PABPC1L: variants seen among roughly 807,000 people sequenced by gnomAD.
The protein encoded by PABPC1L is poly(A) binding protein cytoplasmic 1 like.
In PABPC1L, 31 loss-of-function variants were observed where a neutral mutation model predicts 66.6. The ratio of observed to expected loss-of-function variants is 0.47; its 90% CI spans 0.35 to 0.63. The LOEUF (loss-of-function observed/expected upper bound fraction) is 0.63, where lower values mean the gene tolerates loss of function less well. Among genes scored for constraint, PABPC1L ranks in the 20% least tolerant of loss-of-function variants. The pLI, the probability that PABPC1L is intolerant of heterozygous loss-of-function variation, is 0.00. For missense variants in PABPC1L, 722 were observed against 848.8 expected, an observed-to-expected ratio of 0.85 and a Z score of 1.86; for synonymous variants, 348 against 335.1, an observed-to-expected ratio of 1.04 and a Z score of -0.42.
At position 44,910,203 on chromosome 20, in the gene PABPC1L, C is replaced by T. The variant is rs778614282; in HGVS notation, c.60C>T (p.Pro20=). ...CGCTTTACGTGGGCGATCTGCACCC[C>T]GACGTGACCGAGGCCATGCTCTATG... The part of the protein sequence containing the change: ...LASLYVGDLH[P]DVTEAMLYEK... Residue 20 remains proline (P), a synonymous_variant, in exon 1 of 15, where the codon CCC becomes CCT. Coordinates refer to ENST00000217073, the MANE Select transcript of PABPC1L (RefSeq NM_001372179.1). 1 of 1,580,434 alleles carries T rather than the reference C, an allele frequency of 6.3e-7. No homozygotes were observed.
Position 44,930,512 on chromosome 20 carries a change from C to T in PABPC1L, c.1025C>T (p.Ser342Phe). ...SKGFGFVCFSSPEEATKAVTE... is the reference protein window; with the variant it reads ...SKGFGFVCFSFPEEATKAVTE... ...GGGTTTGGCTTTGTGTGTTTTTCCT[C>T]CCCAGAAGAGGCGACAAAGGCCGTG... The change falls in exon 8 of 15, where the codon TCC becomes TTC. Residue 342 changes from serine to phenylalanine, a missense_variant. Physicochemically the swap from Ser to Phe is radical, Grantham distance 155. This residue lies in a region of PABPC1L where 137 missense variants were observed against 216.8 expected (regional missense o/e 0.63). Transcript: ENST00000217073. 1 of 1,614,244 alleles carries T rather than the reference C, an allele frequency of 6.2e-7. No individual in the cohort carries two copies.
intron 3 of PABPC1L, among the ~76,000 whole-genome samples, chr20:44,917,682 A>G (rs1406553927): frequency 1.3e-5 from 2 of 152,054 alleles, no homozygotes; most frequent in African/African-American, 4.8e-5. Flanking sequence ...CAGAATTTTG[A>G]TTTTGTTCAT....
intron 7 of PABPC1L, among the ~76,000 whole-genome samples, chr20:44,928,673 C>T (rs904237102): frequency 6.6e-6 from 1 of 151,648 alleles, no homozygotes; most frequent in Admixed American, 6.6e-5. Flanking sequence ...TCAAGCCCAG[C>T]CGGGGCAACA....
Position 44,910,332 on chromosome 20 carries a change from G to T in PABPC1L, c.189G>T (p.Ala63=). 6.6e-7 allele frequency: 1 copy of T among 1,508,104 alleles called. No homozygotes were observed. The allele number at this position is 1,508,104 out of a possible 1,614,324, so 93.4% of individuals were successfully genotyped here. A position where few individuals can be genotyped will look rare whatever the true frequency, so the allele number is the denominator to read the frequency against. The change falls in exon 1 of 15, where the codon GCG becomes GCT. Residue 63 remains alanine, a synonymous_variant. Transcript: ENST00000217073. ...CCTACATCAACTTCCAGCAGCCCGCGGACGGTGAGCCCCGGGGATGGGGCG... is the reference window on the plus strand; with the variant it reads ...CCTACATCAACTTCCAGCAGCCCGCTGACGGTGAGCCCCGGGGATGGGGCG... ...GYAYINFQQP[A]DAERALDTMN...
intron 11 of PABPC1L, among the ~76,000 whole-genome samples, chr20:44,935,880 C>T (rs1490728898): frequency 1.3e-5 from 2 of 152,156 alleles, no homozygotes; most frequent in Non-Finnish European, 1.5e-5. Context: ...GCCTAAAATT[C>T]AGCATTATCA....
At position 44,910,206 on chromosome 20, in the gene PABPC1L, C is replaced by T; in HGVS notation, c.63C>T (p.Asp21=). Residue 21 remains aspartate, a synonymous_variant, in exon 1 of 15, where the codon GAC becomes GAT. Transcript: ENST00000217073. ...ASLYVGDLHP[D]VTEAMLYEKF... ...TTTACGTGGGCGATCTGCACCCCGA[C>T]GTGACCGAGGCCATGCTCTATGAGA... 1 of 1,580,492 alleles carries T rather than the reference C, an allele frequency of 6.3e-7. No individual in the cohort carries two copies.
At chr20:44,938,906 T>A (rs1317454847) in intron 14 of PABPC1L, among the ~76,000 whole-genome samples, 158 bp downstream of exon 14, 1 of 152,184 alleles carries the variant, frequency 6.6e-6, no homozygotes, top group Non-Finnish European at 1.5e-5. Context: ...GAGGAGATGA[T>A]TAACTGTGAT....
In PABPC1L at chr20:44,920,667, C is replaced by T. The variant is rs1457849084; in HGVS notation, c.739-927C>T. ...TGTTTTTAGTAGAGAAGGGGTTTCA[C>T]CATGTTGGCCAGGCTGGTATCGAAC... On this transcript the variant is annotated intron_variant, in intron 5 of 14. Transcript: ENST00000217073. 3.3e-5 allele frequency among the ~76,000 whole-genome samples: 5 copies of T among 150,974 alleles called. No homozygotes were observed. In the East Asian group the frequency reaches 9.8e-4, roughly 29 times the overall value.
In PABPC1L at chr20:44,939,261, T is replaced by C. The variant is rs1356134936; in HGVS notation, c.*142T>C. 4 of 716,634 alleles carry C rather than the reference T, an allele frequency of 5.6e-6. No homozygotes were observed. The Admixed American group carries it at 8.0e-5, about 14-fold the overall frequency. 44.4% of individuals were successfully genotyped at this position (716,634 alleles called of 1,614,324 possible). A position where few individuals can be genotyped will look rare whatever the true frequency, so the allele number is the denominator to read the frequency against. On this transcript the variant is annotated 3_prime_UTR_variant, in exon 15 of 15. Coordinates refer to ENST00000217073, the MANE Select transcript of PABPC1L (RefSeq NM_001372179.1). ...GGCTCTGTATGTGAATGAAGGTTGG[T>C]CACCCATCCAGCCTATTACCTTTTG...
At chr20:44,925,065 T>C (rs1326509135) in intron 7 of PABPC1L, among the ~76,000 whole-genome samples, 1 of 146,032 alleles carries the variant, frequency 6.8e-6, no homozygotes, top group Non-Finnish European at 1.5e-5. Flanking sequence ...TACAAAAAAT[T>C]AGCCGGGCAT....
chr20:44,919,067 C>T (rs780098998), intron 4 of PABPC1L, 22 bp downstream of exon 4: 26 of 1,610,102 alleles, frequency 1.6e-5, no homozygotes, highest in East Asian at 1.6e-4. Context: ...CCCAAGGGAG[C>T]GGGGGGATCA....
intron 7 of PABPC1L, among the ~76,000 whole-genome samples, chr20:44,927,562 T>G (rs2066818680): frequency 6.6e-6 from 1 of 152,132 alleles, no homozygotes; most frequent in South Asian, 2.1e-4. Flanking sequence ...TTGGCCAGGC[T>G]GGTCTCGAAC....
intron 10 of PABPC1L, among the ~76,000 whole-genome samples, chr20:44,934,905 T>G (rs1465754987): frequency 6.6e-6 from 1 of 152,094 alleles, no homozygotes; most frequent in Non-Finnish European, 1.5e-5. Flanking sequence ...CTGTCTCTAC[T>G]AAAAATACAA....
intron 7 of PABPC1L, among the ~76,000 whole-genome samples, chr20:44,927,067 A>G (rs1274721741): frequency 1.3e-5 from 2 of 151,440 alleles, no homozygotes; most frequent in African/African-American, 4.9e-5. Context: ...TTTTTTTGGT[A>G]GAAATTGGGA....
chr20:44,922,104 A>G (rs2066778349), intron 6 of PABPC1L, among the ~76,000 whole-genome samples: 1 of 152,222 alleles, frequency 6.6e-6, no homozygotes, highest in Non-Finnish European at 1.5e-5. Context: ...CTGGCTGAGA[A>G]TAATCAGGCC....
In PABPC1L at chr20:44,916,809, C is replaced by T; in HGVS notation, c.441C>T (p.Thr147=). ...GTTTCGGCTTTGTCCATTTTGAGAC[C>T]CATGAGGCCGCACAGCAGGCCATCA... ...SRGFGFVHFE[T]HEAAQQAINT... Residue 147 remains threonine (T), a synonymous_variant, in exon 3 of 15, where the codon ACC becomes ACT. Transcript: ENST00000217073. The T allele has an allele frequency of 6.2e-7, 1 of 1,614,184 alleles. No individual in the cohort carries two copies. Among genetic ancestry groups the T allele is most frequent in the Non-Finnish European group, 8.5e-7 (1 of 1,180,036 alleles).
At chr20:44,933,582 ATT>A (rs2066878671) in intron 10 of PABPC1L, among the ~76,000 whole-genome samples, 1 of 150,542 alleles carries the variant, frequency 6.6e-6, no homozygotes, top group Non-Finnish European at 1.5e-5. Flanking sequence ...AGTAGCTGGG[ATT>A]GTAGGCATGC....
intron 8 of PABPC1L, 140 bp from the exon 9 acceptor site, chr20:44,932,202 T>C (rs2066864996): frequency 5.9e-6 from 3 of 508,744 alleles, no homozygotes; most frequent in Non-Finnish European, 1.0e-5. Flanking sequence ...GAAGGAGCTT[T>C]CATTACAGCC....
At chr20:44,927,114 G>A (rs760275363) in intron 7 of PABPC1L, among the ~76,000 whole-genome samples, 1 of 151,800 alleles carries the variant, frequency 6.6e-6, no homozygotes, top group African/African-American at 2.4e-5. Context: ...TTGAACTCCT[G>A]GGCTCAAGCA....
Sources: allele counts gnomAD v4.1 joint callset (sites outside exome capture counted in the v4.1 genomes callset), GRCh38; gene constraint gnomAD v4.1.1; regional missense constraint gnomAD v4.1.1; transcripts MANE v1.5; gene names NCBI Gene and HGNC (gene_info 2026-07-23, HGNC 2026-07-21).